PHIP: variants seen among roughly 807,000 people sequenced by gnomAD.
The protein encoded by PHIP is PHIP subunit of CUL4-Ring ligase complex, also known as PH-interacting protein.
PHIP carries 54 observed loss-of-function variants against 236.8 expected under a neutral mutation model. That is an observed-to-expected ratio of 0.23 (90% CI 0.18 to 0.29). PHIP has a LOEUF of 0.29. PHIP is among the 10% of genes least tolerant of loss of function. PHIP has a pLI of 1.00. For synonymous variants in PHIP, 756 were observed against 718.9 expected (o/e 1.05, Z -0.83); for missense variants, 1,370 against 2,190.8 (o/e 0.63, Z 7.48).
Position 79,033,534 on chromosome 6 carries a change from CA to C in PHIP, c.601-7371del, listed in dbSNP as rs377714644. Among the ~76,000 whole-genome samples, 12 of 152,246 alleles carry C rather than the reference CA, an allele frequency of 7.9e-5. 1 individual carries two copies. The South Asian group carries it at 8.3e-4, about 11-fold the overall frequency. On this transcript the variant is annotated intron_variant, in intron 7 of 39. Transcript: ENST00000275034. ...GCTTTTTTCCTTAAACCTCGTAAGC[CA>C]ACCTCTGCTAGCTCCAACTTTTCTT...
At chr6:78,973,289 T>C (rs959948712) in intron 24 of PHIP, among the ~76,000 whole-genome samples, 12 of 150,002 alleles carry the variant, frequency 8.0e-5, no homozygotes, top group Middle Eastern at 3.2e-3. Context: ...GCTTCATAAG[T>C]GAAGGAGAAA....
intron 7 of PHIP, among the ~76,000 whole-genome samples, chr6:79,035,331 G>C (rs1368546453): frequency 6.6e-6 from 1 of 152,060 alleles, no homozygotes; most frequent in East Asian, 1.9e-4. Context: ...CATAGTATTG[G>C]CTTCTAGTAC....
chr6:79,021,305 C>A (rs1771105304), intron 9 of PHIP, among the ~76,000 whole-genome samples: 1 of 152,198 alleles, frequency 6.6e-6, no homozygotes, highest in Non-Finnish European at 1.5e-5. Context: ...CACCACCATG[C>A]CCGGCTAATT....
rs1773361791 is a variant in PHIP at position 78,938,709 on chromosome 6, A to G, written c.*1984T>C. 2.0e-5 allele frequency: 3 copies of G among 151,734 alleles called. No individual in the cohort carries two copies. Among genetic ancestry groups the G allele is most frequent in the Admixed American group, 6.6e-5 (1 of 15,240 alleles). 9.4% of individuals were successfully genotyped at this position (151,734 alleles called of 1,614,324 possible). ...ATATTTGTTAGAAAAAAATAAATAT[A>G]CAAAAAACCTGAAAAATTTGAAATT... On this transcript the variant is annotated 3_prime_UTR_variant, in exon 40 of 40. Transcript: ENST00000275034.
At chr6:79,004,105 C>G (rs1444010517) in intron 15 of PHIP, among the ~76,000 whole-genome samples, 2 of 152,056 alleles carry the variant, frequency 1.3e-5, no homozygotes, top group Non-Finnish European at 2.9e-5. Flanking sequence ...CCAACTCCCC[C>G]ACCCATAGAA....
chr6:78,988,438 T>C lies in PHIP; in HGVS notation c.2320-89A>G, dbSNP rs1769005975. On this transcript the variant is annotated intron_variant, in intron 20 of 39. Coordinates refer to ENST00000275034, the MANE Select transcript of PHIP (RefSeq NM_017934.7). ...GTTAAAATTTTTTAATTAAAAAAAT[T>C]CAAGCTGGGCATGGTGGCGCATGCC... The C allele has an allele frequency of 4.0e-6, 4 of 1,007,304 alleles. No individual in the cohort carries two copies. In the African/African-American group the frequency reaches 5.0e-5, roughly 12 times the overall value. 62.4% of individuals were successfully genotyped at this position (1,007,304 alleles called of 1,614,324 possible).
At position 79,016,610 on chromosome 6, in the gene PHIP, C is replaced by T. The variant is rs2127741578; in HGVS notation, c.1169G>A (p.Arg390His). Residue 390 changes from arginine (R) to histidine (H), a missense_variant, in exon 13 of 40, where the codon CGT (arginine) becomes CAT (histidine). Arg to His is a conservative substitution (Grantham distance 29). Coordinates refer to ENST00000275034, the MANE Select transcript of PHIP (RefSeq NM_017934.7). Reference sequence around the variant, plus strand: ...CTCTCTTCGTTTAAATTGCCAAATACGTGCTGTCCCATCACGACTGCCACT... The same window carrying T: ...CTCTCTTCGTTTAAATTGCCAAATATGTGCTGTCCCATCACGACTGCCACT... The part of the protein sequence containing the change: ...FVSGSRDGTA[R>H]IWQFKRREWK... 1 of 1,611,256 alleles carries T rather than the reference C, an allele frequency of 6.2e-7. No homozygotes were observed. Among genetic ancestry groups the T allele is most frequent in the Non-Finnish European group, 8.5e-7 (1 of 1,177,880 alleles).
rs528252590 is a variant in PHIP at position 78,964,613 on chromosome 6, C to T, written c.3379+1090G>A. Reference sequence around the variant, plus strand: ...GTTCAAGTAATTTTCCTGCCTCAACCTTCTGAGTAGCTGGGACTACAGGCA... The same window carrying T: ...GTTCAAGTAATTTTCCTGCCTCAACTTTCTGAGTAGCTGGGACTACAGGCA... On this transcript the variant is annotated intron_variant, in intron 29 of 39. Coordinates refer to ENST00000275034, the MANE Select transcript of PHIP (RefSeq NM_017934.7). Among the ~76,000 whole-genome samples, 43 of 152,276 alleles carry T rather than the reference C, an allele frequency of 2.8e-4. No individual in the cohort carries two copies. The South Asian group carries it at 5.0e-3, about 18-fold the overall frequency.
At chr6:78,970,920 G>T in intron 24 of PHIP, 32 bp from the exon 25 acceptor site, 1 of 1,452,520 alleles carries the variant, frequency 6.9e-7, no homozygotes. Context: ...TTACAACCTG[G>T]ATGTGTTTCC....
chr6:78,960,384 G>C (rs1374422009), intron 31 of PHIP, among the ~76,000 whole-genome samples: 1 of 151,546 alleles, frequency 6.6e-6, no homozygotes, highest in Non-Finnish European at 1.5e-5. Context: ...TGAAGCACTA[G>C]GTTTAATTTC....
chr6:79,025,800 TTTAGTTGGCC>T, intron 8 of PHIP, 133 bp downstream of exon 8: 1 of 701,624 alleles, frequency 1.4e-6, no homozygotes, highest in East Asian at 2.7e-5. Context: ...CTGTCTTCAT[TTTAGTTGGCC>T]TTATATACTG....
At chr6:78,974,171 A>G (rs1241768005) in intron 24 of PHIP, among the ~76,000 whole-genome samples, 1 of 152,118 alleles carries the variant, frequency 6.6e-6, no homozygotes, top group East Asian at 1.9e-4. Flanking sequence ...ATTATAACAA[A>G]CTATCTCTCA....
At chr6:78,950,955 T>C (rs1008774097) in intron 35 of PHIP, among the ~76,000 whole-genome samples, 1 of 152,146 alleles carries the variant, frequency 6.6e-6, no homozygotes, top group Non-Finnish European at 1.5e-5. Context: ...AACTTCTCCT[T>C]TTCTGCTGTA....
At position 78,958,870 on chromosome 6, in the gene PHIP, A is replaced by G. The variant is rs534453810; in HGVS notation, c.3657-270T>C. On this transcript the variant is annotated intron_variant, in intron 31 of 39. Transcript: ENST00000275034. ...CCTCTTTTTGGGAGGGAGAACGTCTATATGGGGAGTGGCAGGAGAGTAGAA... is the reference window on the plus strand; with the variant it reads ...CCTCTTTTTGGGAGGGAGAACGTCTGTATGGGGAGTGGCAGGAGAGTAGAA... Among the ~76,000 whole-genome samples, 5 of 152,202 alleles carry G rather than the reference A, an allele frequency of 3.3e-5. No homozygotes were observed. The South Asian group carries it at 1.0e-3, about 32-fold the overall frequency.
At chr6:79,059,502 AAC>A (rs1311318398) in intron 6 of PHIP, among the ~76,000 whole-genome samples, 1 of 150,810 alleles carries the variant, frequency 6.6e-6, no homozygotes, top group Admixed American at 6.6e-5. Context: ...TTCCAGATAA[AAC>A]ACAGATTATC....
intron 9 of PHIP, among the ~76,000 whole-genome samples, chr6:79,021,221 AC>A (rs1337802545): frequency 6.6e-6 from 1 of 152,168 alleles, no homozygotes. Context: ...ATCTCAGCTC[AC>A]TGCAACCTCT....
intron 35 of PHIP, among the ~76,000 whole-genome samples, chr6:78,954,309 T>C (rs935975554): frequency 6.6e-6 from 1 of 151,830 alleles, no homozygotes; most frequent in African/African-American, 2.4e-5. Context: ...GATTTCACCG[T>C]GTTAGCCAGG....
At chr6:79,065,141 A>AT (rs1489800627) in intron 4 of PHIP, among the ~76,000 whole-genome samples, 3 of 152,150 alleles carry the variant, frequency 2.0e-5, no homozygotes, top group African/African-American at 7.2e-5. Flanking sequence ...CTGTATCTCC[A>AT]TAACAGTCCA....
chr6:79,048,656 A>G (rs1671257132), intron 6 of PHIP, among the ~76,000 whole-genome samples: 1 of 152,172 alleles, frequency 6.6e-6, no homozygotes, highest in Admixed American at 6.6e-5. Flanking sequence ...TTAACAAAAT[A>G]CAAAGGTTAG....
Sources: gnomAD v4.1 joint callset for allele counts (sites outside exome capture counted in the v4.1 genomes callset) on GRCh38, gnomAD v4.1.1 for gene constraint, MANE v1.5 for transcripts, NCBI Gene and HGNC (gene_info 2026-07-23, HGNC 2026-07-21) for gene names.